The following SCIN variants were observed in gnomAD, a reference collection of about 807,000 sequenced individuals.
SCIN encodes scinderin.
Under a neutral mutation model 91.8 loss-of-function variants are expected in SCIN, and 91 were observed. That is an observed-to-expected ratio of 0.99 (90% CI 0.84 to 1.18). The LOEUF (loss-of-function observed/expected upper bound fraction) is 1.18, where lower values mean the gene tolerates loss of function less well. Among genes scored for constraint, SCIN ranks in the 50% most tolerant of loss-of-function variants. The pLI is 0.00. For synonymous variants in SCIN, 367 were observed against 312.6 expected (o/e 1.17, Z -1.84); for missense variants, 1,087 against 863.9 (o/e 1.26, Z -3.24).
chr7:12,608,342 C>G (rs918148763), intron 4 of SCIN, among the ~76,000 whole-genome samples: 3 of 151,936 alleles, frequency 2.0e-5, no homozygotes, highest in Non-Finnish European at 4.4e-5. Flanking sequence ...CACACACACA[C>G]ACACACAGAG....
At chr7:12,618,373 C>G (rs1485383275) in intron 4 of SCIN, among the ~76,000 whole-genome samples, 1 of 152,144 alleles carries the variant, frequency 6.6e-6, no homozygotes, top group East Asian at 1.9e-4. Context: ...GCCCAGTTCA[C>G]TTTGTCTTTT....
chr7:12,646,488 T>C (rs1244685751), intron 13 of SCIN, among the ~76,000 whole-genome samples: 3 of 152,164 alleles, frequency 2.0e-5, no homozygotes, highest in African/African-American at 4.8e-5. Flanking sequence ...TACCATGCCA[T>C]TGGAGGCTAG....
rs1205802297 is a variant in SCIN, at chr7:12,656,368, A to C, written c.*3653A>C. ...TGAACTGAAAGAAAACACTTATTTTATTTTCTTTTAAACCTAATTTATTTT... is the reference window on the plus strand; with the variant it reads ...TGAACTGAAAGAAAACACTTATTTTCTTTTCTTTTAAACCTAATTTATTTT... On this transcript the variant is annotated 3_prime_UTR_variant, in exon 16 of 16. Transcript: ENST00000297029. 1 of 152,044 alleles carries C rather than the reference A, an allele frequency of 6.6e-6. No individual in the cohort carries two copies. The highest frequency in any genetic ancestry group is 1.5e-5 in the Non-Finnish European group (1 of 67,994). The allele number at this position is 152,044 out of a possible 1,614,324, so 9.4% of individuals were successfully genotyped here.
At chr7:12,597,486 T>C (rs849769) in intron 3 of SCIN, among the ~76,000 whole-genome samples, 12,521 of 152,270 alleles carry the variant, frequency 0.082, 622 homozygotes, top group Middle Eastern at 0.13. Flanking sequence ...GCATAGGCTG[T>C]TTTGGGTGCT....
intron 3 of SCIN, among the ~76,000 whole-genome samples, chr7:12,598,051 T>G (rs1241594203): frequency 6.6e-6 from 1 of 152,218 alleles, no homozygotes; most frequent in Non-Finnish European, 1.5e-5. Flanking sequence ...GTGAAATAGT[T>G]GCCCCTGAAA....
At chr7:12,587,058 A>AT (rs2115221358) in intron 3 of SCIN, among the ~76,000 whole-genome samples, 1 of 152,268 alleles carries the variant, frequency 6.6e-6, no homozygotes, top group African/African-American at 2.4e-5. Flanking sequence ...TTTATTGTAT[A>AT]TTTTTTCAAA....
chr7:12,593,055 G>C (rs1052909968), intron 3 of SCIN, among the ~76,000 whole-genome samples: 1 of 152,196 alleles, frequency 6.6e-6, no homozygotes, highest in African/African-American at 2.4e-5. Context: ...GAGCATGCTT[G>C]TCTGCCCATC....
At position 12,657,811 on chromosome 7, in the gene SCIN, T is replaced by A. The variant is rs1378100855; in HGVS notation, c.*5096T>A. On this transcript the variant is annotated 3_prime_UTR_variant, in exon 16 of 16. Transcript: ENST00000297029. Reference sequence around the variant, plus strand: ...CTAGTTTATAATTGACTATGGCATTTGCATGCATTTCATCATGTCTCCATT... The same window carrying A: ...CTAGTTTATAATTGACTATGGCATTAGCATGCATTTCATCATGTCTCCATT... 1 of 151,654 alleles carries A rather than the reference T, an allele frequency of 6.6e-6. No individual in the cohort carries two copies. The highest frequency in any genetic ancestry group is 1.5e-5 in the Non-Finnish European group (1 of 67,908). The allele number at this position is 151,654 out of a possible 1,614,324, so 9.4% of individuals were successfully genotyped here.
intron 4 of SCIN, among the ~76,000 whole-genome samples, chr7:12,609,555 A>G (rs758615760): frequency 1.1e-4 from 17 of 152,110 alleles, no homozygotes; most frequent in Non-Finnish European, 2.4e-4. Context: ...AAAAAATACT[A>G]TGTTTTTTAG....
intron 3 of SCIN, 117 bp from the exon 4 acceptor site, chr7:12,604,397 C>T: frequency 1.1e-6 from 1 of 881,434 alleles, no homozygotes; most frequent in Non-Finnish European, 1.7e-6. Context: ...ATGTATATAC[C>T]TCAACAATAG....
chr7:12,610,831 C>T (rs1411256266), intron 4 of SCIN, among the ~76,000 whole-genome samples: 1 of 152,136 alleles, frequency 6.6e-6, no homozygotes, highest in Non-Finnish European at 1.5e-5. Context: ...ATACTTAGTG[C>T]AATACTGTCC....
At position 12,626,574 on chromosome 7, in the gene SCIN, T is replaced by G; in HGVS notation, c.982-10T>G. ...TTCCTGTTTACTATTATTATTATTT[T>G]AAATTTCAGATTCAAGTTCTTCCAG... On this transcript the variant is annotated splice_polypyrimidine_tract_variant and intron_variant, in intron 7 of 15. Transcript: ENST00000297029. 1 of 1,518,814 alleles carries G rather than the reference T, an allele frequency of 6.6e-7. No individual in the cohort carries two copies. Among genetic ancestry groups the G allele is most frequent in the Non-Finnish European group, 8.9e-7 (1 of 1,122,952 alleles). The allele number at this position is 1,518,814 out of a possible 1,614,324, so 94.1% of individuals were successfully genotyped here.
chr7:12,652,661 T>G lies in SCIN; in HGVS notation c.2094T>G (p.His698Gln). The G allele has an allele frequency of 6.2e-7, 1 of 1,610,540 alleles. No homozygotes were observed. Among genetic ancestry groups the G allele is most frequent in the Non-Finnish European group, 8.5e-7 (1 of 1,178,906 alleles). ...RTPIVIIKQG[H>Q]EPPTFTGWFL... ...CAATTGTCATCATAAAACAGGGCCA[T>G]GAGCCACCCACATTCACAGGCTGGT... The change falls in exon 16 of 16, where the codon CAT (histidine) becomes CAG (glutamine). Residue 698 changes from histidine (H) to glutamine (Q), a missense_variant. His to Gln is a conservative substitution (Grantham distance 24). Transcript: ENST00000297029.
At chr7:12,594,902 C>T (rs1782807263) in intron 3 of SCIN, among the ~76,000 whole-genome samples, 1 of 152,030 alleles carries the variant, frequency 6.6e-6, no homozygotes. Flanking sequence ...AGGTAATAGG[C>T]AAAAGTCTCT....
rs763794680 is a variant in SCIN at position 12,571,931 on chromosome 7, T to A, written c.199+946T>A. 4.1e-4 allele frequency among the ~76,000 whole-genome samples: 62 copies of A among 152,304 alleles called. No individual in the cohort carries two copies. The Middle Eastern group carries it at 0.017, about 42-fold the overall frequency. On this transcript the variant is annotated intron_variant, in intron 1 of 15. Transcript: ENST00000297029. ...CACACCCTGTCTAACAACATGCCGA[T>A]TCTCTGAGCCTTTTTGCCTTCTTTT...
At chr7:12,591,509 A>C (rs999050980) in intron 3 of SCIN, among the ~76,000 whole-genome samples, 1 of 152,160 alleles carries the variant, frequency 6.6e-6, no homozygotes, top group Non-Finnish European at 1.5e-5. Flanking sequence ...TAAGACACCG[A>C]GGGCTATTCC....
rs1784131907 is a variant in SCIN at position 12,654,151 on chromosome 7, T to C, written c.*1436T>C. On this transcript the variant is annotated 3_prime_UTR_variant, in exon 16 of 16. Coordinates refer to ENST00000297029, the MANE Select transcript of SCIN (RefSeq NM_001112706.3). ...GAACAATGTAGGGTCCAACAATTCA[T>C]CCCACATGAATTTTTCTCATCCTTC... is the stretch of plus-strand genomic sequence containing the variant. 1 of 152,168 alleles carries C rather than the reference T, an allele frequency of 6.6e-6. No individual in the cohort carries two copies. Among genetic ancestry groups the C allele is most frequent in the Admixed American group, 6.5e-5 (1 of 15,274 alleles). 9.4% of individuals were successfully genotyped at this position (152,168 alleles called of 1,614,324 possible). A position where few individuals can be genotyped will look rare whatever the true frequency, so the allele number is the denominator to read the frequency against.
intron 3 of SCIN, among the ~76,000 whole-genome samples, chr7:12,600,824 A>AT (rs1583291021): frequency 6.6e-6 from 1 of 152,244 alleles, no homozygotes; most frequent in East Asian, 1.9e-4. Flanking sequence ...ACATCTCTGT[A>AT]TTTTTAAAAA....
At chr7:12,614,075 T>A (rs1425484372) in intron 4 of SCIN, among the ~76,000 whole-genome samples, 2 of 152,168 alleles carry the variant, frequency 1.3e-5, no homozygotes, top group Admixed American at 6.5e-5. Context: ...AGAAGACAAA[T>A]ATATTGATTA....
Sources: allele counts gnomAD v4.1 joint callset (sites outside exome capture counted in the v4.1 genomes callset), GRCh38; gene constraint gnomAD v4.1.1; transcripts MANE v1.5; gene names NCBI Gene and HGNC (gene_info 2026-07-23, HGNC 2026-07-21).